Variants in LRRC7 observed in about 807,000 individuals in gnomAD.
LRRC7 encodes the protein leucine rich repeat containing 7, also known as leucine-rich repeat-containing protein 7.
In LRRC7, 23 loss-of-function variants were observed where a neutral mutation model predicts 175.7. The observed-to-expected ratio is 0.13, with a 90% CI of 0.09 to 0.19. LRRC7 has a LOEUF of 0.19. LRRC7 is among the 10% of genes least tolerant of loss of function. The pLI, the probability that LRRC7 is intolerant of heterozygous loss-of-function variation, is 1.00. For synonymous variants in LRRC7, 685 were observed against 680.9 expected, an observed-to-expected ratio of 1.01 and a Z score of -0.09; for missense variants, 1,354 against 1,904.7, an observed-to-expected ratio of 0.71 and a Z score of 5.38.
intron 2 of LRRC7, among the ~76,000 whole-genome samples, chr1:69,714,182 C>A (rs1041182034): frequency 3.9e-5 from 6 of 152,156 alleles, no homozygotes; most frequent in Non-Finnish European, 8.8e-5. Context: ...GTTACTTCTT[C>A]TACACCAAGA....
intron 4 of LRRC7, among the ~76,000 whole-genome samples, chr1:69,796,023 C>T (rs886377461): frequency 6.6e-6 from 1 of 150,978 alleles, no homozygotes; most frequent in Non-Finnish European, 1.5e-5. Flanking sequence ...GGTTTTGTTA[C>T]ATATGTATGC....
intron 23 of LRRC7, among the ~76,000 whole-genome samples, chr1:70,068,964 GTCCAGTGAAACCA>G (rs1662179002): frequency 1.3e-5 from 2 of 152,136 alleles, no homozygotes; most frequent in South Asian, 4.2e-4. Flanking sequence ...CGGTAGAAAT[GTCCAGTGAAACCA>G]TCTGGGCCTG....
chr1:70,075,999 A>G (rs1662742088), intron 23 of LRRC7, 78 bp from the exon 24 acceptor site: 1 of 1,476,992 alleles, frequency 6.8e-7, no homozygotes, highest in East Asian at 2.3e-5. Context: ...CCAGAGAGGT[A>G]TTCTGTACGT....
chr1:69,952,472 A>T (rs1265131425), intron 8 of LRRC7, among the ~76,000 whole-genome samples: 1 of 152,110 alleles, frequency 6.6e-6, no homozygotes, highest in East Asian at 1.9e-4. Flanking sequence ...ACTCTGAAAA[A>T]AAAGTCTTCC....
At chr1:69,628,437 A>T (rs1330696024) in intron 1 of LRRC7, among the ~76,000 whole-genome samples, 1 of 152,196 alleles carries the variant, frequency 6.6e-6, no homozygotes, top group African/African-American at 2.4e-5. Flanking sequence ...TACAAGATCA[A>T]TATTAGGAAA....
At chr1:69,575,278 A>G (rs1645900003) in intron 1 of LRRC7, among the ~76,000 whole-genome samples, 1 of 152,148 alleles carries the variant, frequency 6.6e-6, no homozygotes, top group South Asian at 2.1e-4. Flanking sequence ...GGGGTCTCTT[A>G]CACCCGAGCA....
intron 7 of LRRC7, among the ~76,000 whole-genome samples, chr1:69,856,311 A>G (rs1279609446): frequency 1.3e-5 from 2 of 152,194 alleles, no homozygotes; most frequent in African/African-American, 4.8e-5. Flanking sequence ...TCAAAATATC[A>G]ATGAATCCAG....
chr1:70,073,045 T>C (rs1662508316), intron 23 of LRRC7, among the ~76,000 whole-genome samples: 1 of 152,186 alleles, frequency 6.6e-6, no homozygotes, highest in Non-Finnish European at 1.5e-5. Context: ...TTACCAGTTG[T>C]ATTACTTGGG....
intron 2 of LRRC7, among the ~76,000 whole-genome samples, chr1:69,747,797 TA>T (rs57096712): frequency 0.019 from 2,847 of 149,912 alleles, 100 homozygotes; most frequent in African/African-American, 0.066. Context: ...AGACTAACAG[TA>T]AAAAAAAAAT....
intron 4 of LRRC7, among the ~76,000 whole-genome samples, chr1:69,819,724 G>T (rs1318206093): frequency 6.6e-6 from 1 of 151,434 alleles, no homozygotes; most frequent in Non-Finnish European, 1.5e-5. Flanking sequence ...ATATATTTAG[G>T]TTATCTGATA....
intron 8 of LRRC7, among the ~76,000 whole-genome samples, 176 bp from the exon 9 acceptor site, chr1:69,980,203 C>T (rs950755068): frequency 3.9e-5 from 6 of 152,014 alleles, no homozygotes; most frequent in African/African-American, 1.4e-4. Flanking sequence ...TCCAAATTGG[C>T]TGTCAGGGAA....
At chr1:69,718,113 G>GAA (rs1553146072) in intron 2 of LRRC7, among the ~76,000 whole-genome samples, 13 of 75,732 alleles carry the variant, frequency 1.7e-4, no homozygotes, top group South Asian at 5.3e-4. Flanking sequence ...GAGAGAAAAA[G>GAA]AAAGAAAGAA....
At chr1:69,637,076 CTCTT>C (rs1653485198) in intron 1 of LRRC7, among the ~76,000 whole-genome samples, 1 of 151,432 alleles carries the variant, frequency 6.6e-6, no homozygotes, top group Non-Finnish European at 1.5e-5. Context: ...TCACCCTTCT[CTCTT>C]TCTCTCTCTC....
intron 11 of LRRC7, among the ~76,000 whole-genome samples, chr1:70,003,018 A>G (rs1394197771): frequency 6.6e-6 from 1 of 152,150 alleles, no homozygotes; most frequent in African/African-American, 2.4e-5. Flanking sequence ...TAAACAATAG[A>G]TGTTTACTTC....
chr1:69,710,569 A>G (rs781653389), intron 2 of LRRC7, among the ~76,000 whole-genome samples: 1 of 152,160 alleles, frequency 6.6e-6, no homozygotes, highest in Non-Finnish European at 1.5e-5. Flanking sequence ...GGCGTAAGGC[A>G]AAACCATGTG....
intron 7 of LRRC7, among the ~76,000 whole-genome samples, chr1:69,843,612 G>T (rs1447543307): frequency 6.6e-6 from 1 of 151,942 alleles, no homozygotes; most frequent in Non-Finnish European, 1.5e-5. Context: ...GAAAACAAAG[G>T]TTCAGAAACT....
chr1:69,754,034 G>C (rs1336235060), intron 2 of LRRC7, among the ~76,000 whole-genome samples: 2 of 152,150 alleles, frequency 1.3e-5, no homozygotes, highest in South Asian at 4.1e-4. Context: ...AGTGTAAAGA[G>C]CACAGAAAGC....
chr1:70,018,878 T>C lies in LRRC7; in HGVS notation c.1420+60T>C, dbSNP rs1461607248. 5 of 1,299,822 alleles carry C rather than the reference T, an allele frequency of 3.8e-6. No homozygotes were observed. The African/African-American group carries it at 5.9e-5, about 15-fold the overall frequency. 80.5% of individuals were successfully genotyped at this position (1,299,822 alleles called of 1,614,324 possible). A position where few individuals can be genotyped will look rare whatever the true frequency, so the allele number is the denominator to read the frequency against. ...AATGATTATGGATAGAAATAACTAA[T>C]TTTATTCAGATCTCTGGCCAGGAGT... On this transcript the variant is annotated intron_variant, in intron 15 of 26. Transcript: ENST00000651989.
rs1194067843 is a variant in LRRC7, at chr1:70,053,096, C to A, written c.4181C>A (p.Pro1394His). The A allele has an allele frequency of 6.2e-7, 1 of 1,610,748 alleles. No individual in the cohort carries two copies. Among genetic ancestry groups the A allele is most frequent in the South Asian group, 1.1e-5 (1 of 90,384 alleles). ...EDVSPSGQWNPYPLGRRDVPP... is the reference protein window; with the variant it reads ...EDVSPSGQWNHYPLGRRDVPP... The stretch of plus-strand genomic sequence containing the variant: ...GTATCTCCTAGTGGCCAATGGAATC[C>A]TTATCCACTTGGGAGGCGGGATGTA... The change falls in exon 23 of 27, where the codon CCT becomes CAT. Residue 1394 changes from proline to histidine, a missense_variant. Coordinates refer to ENST00000651989, the MANE Select transcript of LRRC7 (RefSeq NM_001370785.2).
Sources: gnomAD v4.1 joint callset for allele counts (sites outside exome capture counted in the v4.1 genomes callset) on GRCh38, gnomAD v4.1.1 for gene constraint, MANE v1.5 for transcripts, NCBI Gene and HGNC (gene_info 2026-07-23, HGNC 2026-07-21) for gene names.